AGBL4: variants seen among roughly 807,000 people sequenced by gnomAD.
AGBL4 encodes AGBL carboxypeptidase 4.
Under a neutral mutation model 66.4 loss-of-function variants are expected in AGBL4, and 58 were observed. The observed-to-expected ratio is 0.87, with a 90% CI of 0.71 to 1.09. AGBL4 has a LOEUF of 1.09. Among genes scored for constraint, AGBL4 ranks in the 50% least tolerant of loss-of-function variants. The pLI is 0.00. For missense variants in AGBL4, 579 were observed against 631.0 expected, an observed-to-expected ratio of 0.92 and a Z score of 0.88; for synonymous variants, 234 against 222.9, an observed-to-expected ratio of 1.05 and a Z score of -0.44.
At position 48,949,553 on chromosome 1, in the gene AGBL4, A is replaced by C. The variant is rs1451524580; in HGVS notation, c.595-82323T>G. 1.3e-5 allele frequency among the ~76,000 whole-genome samples: 2 copies of C among 152,216 alleles called. 1 individual carries two copies. The highest frequency in any genetic ancestry group is 4.8e-5 in the African/African-American group (2 of 41,466). On this transcript the variant is annotated intron_variant, in intron 5 of 13. Transcript: ENST00000371839. ...ACAGAGGAGCCTCCAAAGAATCCAC[A>C]AGAGCATCCATAAGAGAGGGAGTCA...
chr1:49,864,287 A>C (rs1163838326), intron 1 of AGBL4, among the ~76,000 whole-genome samples: 1 of 152,200 alleles, frequency 6.6e-6, no homozygotes, highest in Non-Finnish European at 1.5e-5. Flanking sequence ...GCTGACAGGC[A>C]GGTGGATATG....
intron 9 of AGBL4, among the ~76,000 whole-genome samples, chr1:48,607,558 T>C (rs1268767690): frequency 1.3e-5 from 2 of 152,092 alleles, no homozygotes; most frequent in Non-Finnish European, 2.9e-5. Context: ...GCAGAGGTTG[T>C]GGTGAGCTGA....
intron 6 of AGBL4, among the ~76,000 whole-genome samples, chr1:48,737,829 T>C (rs1377216229): frequency 6.6e-6 from 1 of 152,332 alleles, no homozygotes; most frequent in East Asian, 1.9e-4. Flanking sequence ...ATTTATGTCA[T>C]GCTTCTGCTG....
intron 5 of AGBL4, among the ~76,000 whole-genome samples, chr1:48,955,316 C>G (rs1426350151): frequency 6.6e-6 from 1 of 152,130 alleles, no homozygotes; most frequent in Non-Finnish European, 1.5e-5. Flanking sequence ...TGCAGTTGAG[C>G]TTTAGACAGA....
chr1:49,593,259 T>G (rs2124097922), intron 3 of AGBL4, among the ~76,000 whole-genome samples: 1 of 151,934 alleles, frequency 6.6e-6, no homozygotes, highest in Middle Eastern at 3.4e-3. Context: ...TACAAAAAAT[T>G]AGCCGGGTGT....
chr1:48,895,942 G>A (rs572293519), intron 5 of AGBL4, among the ~76,000 whole-genome samples: 4 of 152,158 alleles, frequency 2.6e-5, no homozygotes, highest in Non-Finnish European at 5.9e-5. Flanking sequence ...ATTTGGGACC[G>A]GTTTTACTAT....
intron 4 of AGBL4, among the ~76,000 whole-genome samples, chr1:49,089,080 A>G (rs1295370290): frequency 6.6e-6 from 1 of 151,910 alleles, no homozygotes; most frequent in Non-Finnish European, 1.5e-5. Context: ...ACATCTCAGA[A>G]TCTCTGGGAC....
chr1:48,944,450 C>T (rs137943593), intron 5 of AGBL4, among the ~76,000 whole-genome samples: 100 of 152,248 alleles, frequency 6.6e-4, no homozygotes, highest in African/African-American at 2.2e-3. Context: ...ACTTCAGCAC[C>T]ATAGACTGTC....
At chr1:49,699,848 T>C (rs1474631165) in intron 2 of AGBL4, among the ~76,000 whole-genome samples, 1 of 151,880 alleles carries the variant, frequency 6.6e-6, no homozygotes, top group African/African-American at 2.4e-5. Flanking sequence ...GTTAATAATA[T>C]TATATATCAT....
chr1:49,185,405 A>G (rs557541184), intron 4 of AGBL4, among the ~76,000 whole-genome samples: 1 of 152,326 alleles, frequency 6.6e-6, no homozygotes, highest in Admixed American at 6.5e-5. Flanking sequence ...AGGTGATACC[A>G]CTTGTCCATA....
At chr1:49,057,268 G>GT (rs1644324578) in intron 4 of AGBL4, among the ~76,000 whole-genome samples, 1 of 152,022 alleles carries the variant, frequency 6.6e-6, no homozygotes, top group Non-Finnish European at 1.5e-5. Context: ...AAATATAAAA[G>GT]TTAGCCAGGT....
intron 1 of AGBL4, among the ~76,000 whole-genome samples, chr1:49,984,059 G>A (rs1031440905): frequency 6.6e-6 from 1 of 152,100 alleles, no homozygotes; most frequent in Non-Finnish European, 1.5e-5. Flanking sequence ...AATTATATAC[G>A]GGACCTAAGT....
intron 5 of AGBL4, among the ~76,000 whole-genome samples, chr1:49,009,890 G>C (rs1041707833): frequency 1.1e-4 from 17 of 152,050 alleles, no homozygotes; most frequent in South Asian, 4.2e-4. Flanking sequence ...AAAATAATAA[G>C]AGCTATCTAT....
At chr1:49,207,454 CTT>C (rs1648248866) in intron 4 of AGBL4, among the ~76,000 whole-genome samples, 1 of 14,474 alleles carries the variant, frequency 6.9e-5, no homozygotes, top group African/African-American at 2.2e-4. Flanking sequence ...TTCTTTCTTT[CTT>C]TTTCTTTCTT....
At chr1:48,835,667 T>G (rs1274851073) in intron 6 of AGBL4, among the ~76,000 whole-genome samples, 1 of 152,162 alleles carries the variant, frequency 6.6e-6, no homozygotes, top group Non-Finnish European at 1.5e-5. Flanking sequence ...CCTCTGCCAA[T>G]TCTAAATATA....
At chr1:49,832,189 T>C (rs1448614714) in intron 2 of AGBL4, among the ~76,000 whole-genome samples, 1 of 151,444 alleles carries the variant, frequency 6.6e-6, no homozygotes, top group African/African-American at 2.4e-5. Flanking sequence ...ATGCTCCCCT[T>C]CCTGTGTCCA....
At chr1:49,645,809 A>C (rs946576155) in intron 3 of AGBL4, among the ~76,000 whole-genome samples, 1 of 151,472 alleles carries the variant, frequency 6.6e-6, no homozygotes, top group East Asian at 1.9e-4. Flanking sequence ...AAATCCAATA[A>C]TATATTAAAA....
At chr1:49,689,184 T>C (rs1646840699) in intron 3 of AGBL4, among the ~76,000 whole-genome samples, 1 of 152,180 alleles carries the variant, frequency 6.6e-6, no homozygotes, top group Non-Finnish European at 1.5e-5. Flanking sequence ...AATGTTTTCT[T>C]TTAGTAGTTT....
chr1:48,657,693 T>TA (rs1331476983), intron 7 of AGBL4, among the ~76,000 whole-genome samples: 3 of 150,858 alleles, frequency 2.0e-5, no homozygotes, highest in Admixed American at 6.6e-5. Flanking sequence ...GCACCAATGA[T>TA]ACAATGATTT....
Sources: gnomAD v4.1 joint callset for allele counts (sites outside exome capture counted in the v4.1 genomes callset) on GRCh38, gnomAD v4.1.1 for gene constraint, MANE v1.5 for transcripts, NCBI Gene and HGNC (gene_info 2026-07-23, HGNC 2026-07-21) for gene names.